The following TAS2R1 variants were observed in gnomAD, a reference collection of about 807,000 sequenced individuals.
TAS2R1 encodes taste 2 receptor member 1.
For missense variants in TAS2R1, 370 were observed against 353.4 expected, an observed-to-expected ratio of 1.05 and a Z score of -0.38; for synonymous variants, 141 against 134.2, an observed-to-expected ratio of 1.05 and a Z score of -0.35.
chr5:9,644,904 T>C (rs1482764942), intron 2 of TAS2R1, among the ~76,000 whole-genome samples: 1 of 152,150 alleles, frequency 6.6e-6, no homozygotes, highest in African/African-American at 2.4e-5. Context: ...TCTTTATGTA[T>C]GGCTGATTTT....
the TAS2R1 span, among the ~76,000 whole-genome samples, chr5:9,790,700 C>A: frequency 6.6e-6 from 1 of 152,142 alleles, no homozygotes; most frequent in African/African-American, 2.4e-5. Flanking sequence ...GTAATCTCGG[C>A]TCATTGCAAC....
At chr5:9,847,746 G>A in the TAS2R1 span, among the ~76,000 whole-genome samples, 2 of 152,162 alleles carry the variant, frequency 1.3e-5, no homozygotes, top group African/African-American at 2.4e-5. Flanking sequence ...CCTCCTAGAA[G>A]GTTCCATTAG....
chr5:9,868,537 C>T, the TAS2R1 span, among the ~76,000 whole-genome samples: 2 of 152,180 alleles, frequency 1.3e-5, no homozygotes, highest in Non-Finnish European at 2.9e-5. Flanking sequence ...TGGGCCTGGC[C>T]CAGGAAGCCA....
the TAS2R1 span, among the ~76,000 whole-genome samples, chr5:9,862,496 C>A: frequency 6.6e-6 from 1 of 152,102 alleles, no homozygotes; most frequent in African/African-American, 2.4e-5. Flanking sequence ...TCACATAATT[C>A]CCTATTCCCT....
At chr5:9,809,459 T>C in the TAS2R1 span, among the ~76,000 whole-genome samples, 1 of 151,900 alleles carries the variant, frequency 6.6e-6, no homozygotes. Flanking sequence ...GGGATTAGTG[T>C]CCTTATAAGA....
chr5:9,757,645 C>T, the TAS2R1 span, among the ~76,000 whole-genome samples: 77 of 152,240 alleles, frequency 5.1e-4, 1 homozygote, highest in Admixed American at 1.2e-3. Flanking sequence ...GCATTACTTA[C>T]ACAATGTCTA....
At chr5:9,856,389 GAA>G in the TAS2R1 span, among the ~76,000 whole-genome samples, 1 of 150,650 alleles carries the variant, frequency 6.6e-6, no homozygotes, top group Admixed American at 6.6e-5. Context: ...AGCAAGGGGA[GAA>G]AAAAAAAGGA....
the TAS2R1 span, among the ~76,000 whole-genome samples, chr5:9,868,877 T>A: frequency 1.3e-5 from 2 of 152,166 alleles, no homozygotes; most frequent in South Asian, 4.1e-4. Context: ...ATGCCACCAG[T>A]CTCTTTGCCT....
At chr5:9,636,880 A>T (rs1468257174) in intron 2 of TAS2R1, among the ~76,000 whole-genome samples, 1 of 152,098 alleles carries the variant, frequency 6.6e-6, no homozygotes, top group Non-Finnish European at 1.5e-5. Context: ...CCATTCTGCC[A>T]TTCTGGGTCT....
the TAS2R1 span, among the ~76,000 whole-genome samples, chr5:9,825,548 G>GAAC: frequency 6.6e-6 from 1 of 152,106 alleles, no homozygotes; most frequent in Admixed American, 6.5e-5. Context: ...CTGTAAGATG[G>GAAC]AACTTTCTCT....
the TAS2R1 span, among the ~76,000 whole-genome samples, chr5:9,777,698 A>C: frequency 6.6e-6 from 1 of 152,236 alleles, no homozygotes. Flanking sequence ...GATCCATCAC[A>C]GTAATCACTA....
chr5:9,767,202 T>C, the TAS2R1 span, among the ~76,000 whole-genome samples: 218 of 152,042 alleles, frequency 1.4e-3, no homozygotes, highest in African/African-American at 5.1e-3. Flanking sequence ...GCAAATGGCA[T>C]GCCCTCCCCC....
chr5:9,850,696 GCCT>G, the TAS2R1 span, among the ~76,000 whole-genome samples: 2 of 152,174 alleles, frequency 1.3e-5, no homozygotes, highest in Non-Finnish European at 2.9e-5. Context: ...TCCCCCACAG[GCCT>G]CCTACCACCC....
At chr5:9,814,169 T>C in the TAS2R1 span, among the ~76,000 whole-genome samples, 3 of 152,204 alleles carry the variant, frequency 2.0e-5, no homozygotes, top group Admixed American at 6.5e-5. Flanking sequence ...TGATGTTAAA[T>C]GGACTTCTTT....
At position 9,672,499 on chromosome 5, in the gene TAS2R1, G is replaced by A. The variant is rs568562755; in HGVS notation, c.-241-12918C>T. ...ACATAAACAGACATTTTCAAGAGAA[G>A]ACATACACACAATCAACAATCATCT... On this transcript the variant is annotated intron_variant, in intron 1 of 2. Transcript: ENST00000506620. 5.9e-5 allele frequency among the ~76,000 whole-genome samples: 9 copies of A among 152,118 alleles called. No individual in the cohort carries two copies. In the South Asian group the frequency reaches 1.9e-3, roughly 32 times the overall value.
At chr5:9,746,703 G>C in the TAS2R1 span, among the ~76,000 whole-genome samples, 3 of 152,170 alleles carry the variant, frequency 2.0e-5, no homozygotes, top group African/African-American at 7.2e-5. Flanking sequence ...ACTCATAAGT[G>C]GGAGGTGAAC....
the TAS2R1 span, among the ~76,000 whole-genome samples, chr5:9,874,313 A>T: frequency 1.3e-5 from 2 of 152,330 alleles, no homozygotes; most frequent in East Asian, 1.9e-4. Flanking sequence ...ATAAAATTAT[A>T]GAAATAGTAG....
chr5:9,875,876 T>A, the TAS2R1 span, among the ~76,000 whole-genome samples: 1 of 152,232 alleles, frequency 6.6e-6, no homozygotes, highest in East Asian at 1.9e-4. Flanking sequence ...TGAACTTCTT[T>A]GGAAAGGGTT....
chr5:9,830,386 T>C, the TAS2R1 span, among the ~76,000 whole-genome samples: 1 of 146,236 alleles, frequency 6.8e-6, no homozygotes, highest in Non-Finnish European at 1.5e-5. Context: ...ATGATAGGTA[T>C]ATGACAAAGA....
Sources: allele counts gnomAD v4.1 joint callset (sites outside exome capture counted in the v4.1 genomes callset), GRCh38; gene constraint gnomAD v4.1.1; transcripts MANE v1.5; gene names NCBI Gene and HGNC (gene_info 2026-07-23, HGNC 2026-07-21).